Variants in NKAIN2 observed in about 807,000 individuals in gnomAD.
The protein encoded by NKAIN2 is sodium/potassium-transporting ATPase subunit beta-1-interacting protein 2.
In NKAIN2, 14 loss-of-function variants were observed where a neutral mutation model predicts 32.6. That is an observed-to-expected ratio of 0.43 (90% CI 0.28 to 0.67). The LOEUF is 0.67. Among genes scored for constraint, NKAIN2 ranks in the 30% least tolerant of loss-of-function variants. The probability of loss-of-function intolerance (pLI) is 0.17; values close to 1 mark genes in which losing one functional copy is unlikely to be tolerated. For missense variants in NKAIN2, 198 were observed against 258.3 expected, an observed-to-expected ratio of 0.77 and a Z score of 1.60; for synonymous variants, 80 against 87.2, an observed-to-expected ratio of 0.92 and a Z score of 0.46.
intron 1 of NKAIN2, among the ~76,000 whole-genome samples, chr6:124,077,719 G>A (rs1387991371): frequency 6.6e-6 from 1 of 151,110 alleles, no homozygotes; most frequent in Admixed American, 6.6e-5. Context: ...GCCTCAGCCT[G>A]CCTCCCTTGT....
chr6:124,627,202 G>A (rs1369549211), intron 3 of NKAIN2, among the ~76,000 whole-genome samples: 2 of 151,992 alleles, frequency 1.3e-5, no homozygotes, highest in African/African-American at 2.4e-5. Flanking sequence ...CATGGGAGGC[G>A]GAGGTTGCAG....
intron 3 of NKAIN2, among the ~76,000 whole-genome samples, chr6:124,429,157 C>T (rs1358510500): frequency 6.6e-6 from 1 of 151,944 alleles, no homozygotes; most frequent in Non-Finnish European, 1.5e-5. Context: ...CCTGCCTCAG[C>T]CTCTGGAGTA....
chr6:124,017,968 TGCA>T (rs1780667539), intron 1 of NKAIN2, among the ~76,000 whole-genome samples: 2 of 152,210 alleles, frequency 1.3e-5, no homozygotes, highest in South Asian at 4.1e-4. Flanking sequence ...ATTTCCCTTC[TGCA>T]CTGCCCTAGC....
intron 4 of NKAIN2, among the ~76,000 whole-genome samples, chr6:124,776,372 A>G (rs1483814182): frequency 1.2e-4 from 19 of 152,108 alleles, no homozygotes; most frequent in Non-Finnish European, 1.5e-5. Context: ...TAGAATTTCT[A>G]GAGGAAGAGT....
chr6:124,547,437 T>C (rs1270224983), intron 3 of NKAIN2, among the ~76,000 whole-genome samples: 2 of 152,218 alleles, frequency 1.3e-5, no homozygotes, highest in Non-Finnish European at 2.9e-5. Context: ...TGTAACATTT[T>C]AAATATGTAA....
intron 3 of NKAIN2, among the ~76,000 whole-genome samples, chr6:124,381,016 C>T (rs769440057): frequency 6.6e-6 from 1 of 152,142 alleles, no homozygotes; most frequent in Non-Finnish European, 1.5e-5. Context: ...GGAAGGACTA[C>T]GAAATTGCTC....
intron 4 of NKAIN2, among the ~76,000 whole-genome samples, chr6:124,690,797 A>G (rs1362467960): frequency 3.3e-5 from 5 of 152,124 alleles, no homozygotes; most frequent in Non-Finnish European, 5.9e-5. Context: ...CCTCAATTCA[A>G]TTGAATGCAC....
At chr6:124,159,359 G>A (rs1157846445) in intron 1 of NKAIN2, among the ~76,000 whole-genome samples, 2 of 152,146 alleles carry the variant, frequency 1.3e-5, no homozygotes, top group Non-Finnish European at 2.9e-5. Flanking sequence ...ACCACTCAGG[G>A]ACTCTCAAAC....
rs536475179 is a variant in NKAIN2 at position 124,618,783 on chromosome 6, G to A, written c.274-39403G>A. Among the ~76,000 whole-genome samples, 31 of 152,212 alleles carry A rather than the reference G, an allele frequency of 2.0e-4. No homozygotes were observed. In the South Asian group the frequency reaches 4.2e-3, roughly 20 times the overall value. On this transcript the variant is annotated intron_variant, in intron 3 of 6. Transcript: ENST00000368417. ...TGAGTGAGATGAAAAATAGTTAATG[G>A]AAAGATAGTTTTGAGATTGTGGCAT...
At chr6:124,269,790 C>G (rs530979296) in intron 1 of NKAIN2, among the ~76,000 whole-genome samples, 1 of 151,992 alleles carries the variant, frequency 6.6e-6, no homozygotes, top group Admixed American at 6.6e-5. Flanking sequence ...TTCTGAGATA[C>G]TGACTCCCAC....
Position 124,405,116 on chromosome 6 carries a change from G to A in NKAIN2, c.273+49769G>A, listed in dbSNP as rs540645672. Among the ~76,000 whole-genome samples the A allele has an allele frequency of 3.5e-4, 53 of 152,264 alleles. No homozygotes were observed. In the South Asian group the frequency reaches 6.0e-3, roughly 17 times the overall value. On this transcript the variant is annotated intron_variant, in intron 3 of 6. Coordinates refer to ENST00000368417, the MANE Select transcript of NKAIN2 (RefSeq NM_001040214.3). ...ACTTACCTGTTCAGTAAAAATGGTT[G>A]CAGATCAGATTGGAAGAATTTTCTA...
At chr6:124,696,587 A>T (rs1774509904) in intron 4 of NKAIN2, among the ~76,000 whole-genome samples, 1 of 152,106 alleles carries the variant, frequency 6.6e-6, no homozygotes, top group South Asian at 2.1e-4. Context: ...TTGTGCTATC[A>T]TCATGGGAAA....
intron 4 of NKAIN2, among the ~76,000 whole-genome samples, chr6:124,714,058 T>C (rs1460924987): frequency 6.6e-6 from 1 of 152,212 alleles, no homozygotes; most frequent in Non-Finnish European, 1.5e-5. Flanking sequence ...GTCAGTGTAA[T>C]TTCTACCCCT....
At position 124,804,709 on chromosome 6, in the gene NKAIN2, C is replaced by T. The variant is rs562132245; in HGVS notation, c.535+13310C>T. Among the ~76,000 whole-genome samples the T allele has an allele frequency of 2.9e-4, 44 of 152,304 alleles. No homozygotes were observed. The South Asian group carries it at 5.2e-3, about 18-fold the overall frequency. ...GCGAGGCATTGCCTCACTCGGGAAGCGCAAGGGATCAGGGAGTTCCCTTTC... is the reference window on the plus strand; with the variant it reads ...GCGAGGCATTGCCTCACTCGGGAAGTGCAAGGGATCAGGGAGTTCCCTTTC... On this transcript the variant is annotated intron_variant, in intron 5 of 6. Transcript: ENST00000368417.
intron 1 of NKAIN2, among the ~76,000 whole-genome samples, chr6:124,234,871 T>G (rs1792662742): frequency 6.6e-6 from 1 of 152,176 alleles, no homozygotes; most frequent in Non-Finnish European, 1.5e-5. Context: ...GCAGTGTGTA[T>G]TTTTATACTT....
At chr6:124,740,420 T>C (rs1777145739) in intron 4 of NKAIN2, among the ~76,000 whole-genome samples, 1 of 142,362 alleles carries the variant, frequency 7.0e-6, no homozygotes. Context: ...GACAGAAGAT[T>C]AACATATATA....
chr6:124,157,268 TACACACAC>T (rs869207926), intron 1 of NKAIN2, among the ~76,000 whole-genome samples: 14 of 89,576 alleles, frequency 1.6e-4, no homozygotes, highest in African/African-American at 5.3e-4. Flanking sequence ...CACACACACA[TACACACAC>T]ACACACACAC....
intron 4 of NKAIN2, among the ~76,000 whole-genome samples, chr6:124,722,627 G>C (rs982776329): frequency 1.3e-5 from 2 of 152,158 alleles, no homozygotes; most frequent in Non-Finnish European, 2.9e-5. Context: ...CCAACAGGAG[G>C]CAGAGCTCAG....
At chr6:124,742,203 A>G (rs1453034417) in intron 4 of NKAIN2, among the ~76,000 whole-genome samples, 2 of 151,878 alleles carry the variant, frequency 1.3e-5, no homozygotes, top group African/African-American at 4.8e-5. Context: ...GAGGGTAAAA[A>G]ACATTATTTC....
Sources: allele counts gnomAD v4.1 joint callset (sites outside exome capture counted in the v4.1 genomes callset), GRCh38; gene constraint gnomAD v4.1.1; transcripts MANE v1.5; gene names NCBI Gene and HGNC (gene_info 2026-07-23, HGNC 2026-07-21).